The following GLI2 variants were observed in gnomAD, a reference collection of about 807,000 sequenced individuals.
GLI2 encodes the protein transcription activator GLI2.
A neutral mutation model predicts 78.9 loss-of-function variants in GLI2; 22 were observed. That is an observed-to-expected ratio of 0.28 (90% confidence interval 0.20 to 0.40). GLI2 has a LOEUF of 0.40. Ranked by LOEUF, GLI2 falls within the 10% of genes least tolerant of loss-of-function variation. The pLI is 1.00. For synonymous variants in GLI2, 974 were observed against 963.7 expected (o/e 1.01, Z -0.20); for missense variants, 2,097 against 2,213.2 (o/e 0.95, Z 1.05).
At chr2:120,795,913 GTGGCTCATGCC>G (rs1160538845) in intron 1 of GLI2, among the ~76,000 whole-genome samples, 2 of 152,136 alleles carry the variant, frequency 1.3e-5, no homozygotes, top group East Asian at 3.9e-4. Context: ...GCCGGGCGTG[GTGGCTCATGCC>G]TGTAATCCCA....
At chr2:120,899,029 C>T (rs1678115777) in intron 2 of GLI2, among the ~76,000 whole-genome samples, 2 of 152,138 alleles carry the variant, frequency 1.3e-5, no homozygotes, top group Non-Finnish European at 2.9e-5. Context: ...CTACTCCCTC[C>T]GGGAGGGCCT....
intron 1 of GLI2, among the ~76,000 whole-genome samples, chr2:120,741,023 C>A (rs1682521268): frequency 6.6e-6 from 1 of 152,224 alleles, no homozygotes; most frequent in African/African-American, 2.4e-5. Context: ...TGTATGCAAC[C>A]ACGCCGCAGC....
chr2:120,808,157 A>G (rs1392080996), intron 2 of GLI2, among the ~76,000 whole-genome samples: 3 of 152,162 alleles, frequency 2.0e-5, no homozygotes, highest in Non-Finnish European at 4.4e-5. Context: ...TGGGTTTGGT[A>G]TGGAGCCGGG....
At chr2:120,881,711 A>AG (rs1677148401) in intron 2 of GLI2, among the ~76,000 whole-genome samples, 1 of 14,234 alleles carries the variant, frequency 7.0e-5, no homozygotes, top group Non-Finnish European at 1.4e-4. Flanking sequence ...GACAGTGGGG[A>AG]GAGGGCAGGT....
chr2:120,910,816 G>A (rs1297092443), intron 2 of GLI2, among the ~76,000 whole-genome samples: 8 of 152,360 alleles, frequency 5.3e-5, no homozygotes, highest in East Asian at 1.9e-4. Flanking sequence ...ACTTCGCTGG[G>A]TACCTGGGCA....
intron 2 of GLI2, among the ~76,000 whole-genome samples, chr2:120,892,028 G>T (rs747570791): frequency 2.1e-5 from 3 of 142,996 alleles, no homozygotes; most frequent in Non-Finnish European, 3.1e-5. Context: ...TCTGCGGATT[G>T]TGGTCACCAC....
intron 2 of GLI2, among the ~76,000 whole-genome samples, chr2:120,852,559 C>T (rs1687458447): frequency 6.6e-6 from 1 of 152,168 alleles, no homozygotes; most frequent in South Asian, 2.1e-4. Flanking sequence ...TGCCAGCATT[C>T]CAGAGGCAGG....
chr2:120,791,239 G>A (rs1036256533), intron 1 of GLI2, among the ~76,000 whole-genome samples: 29 of 152,204 alleles, frequency 1.9e-4, no homozygotes, highest in Admixed American at 5.9e-4. Context: ...CTTCAGGGTG[G>A]AGGAGTGAGT....
At chr2:120,794,001 G>A (rs75644781) in intron 1 of GLI2, among the ~76,000 whole-genome samples, 2,235 of 152,300 alleles carry the variant, frequency 0.015, 44 homozygotes, top group East Asian at 0.071. Flanking sequence ...TGAGGAAGCC[G>A]CAGCTGCTGT....
intron 5 of GLI2, among the ~76,000 whole-genome samples, chr2:120,964,630 C>A (rs1283930715): frequency 6.6e-6 from 1 of 152,210 alleles, no homozygotes; most frequent in African/African-American, 2.4e-5. Context: ...GCGCAAGTAG[C>A]AGGCACGTGC....
intron 2 of GLI2, among the ~76,000 whole-genome samples, chr2:120,855,960 C>T (rs1353917551): frequency 5.3e-5 from 8 of 152,198 alleles, no homozygotes; most frequent in African/African-American, 1.9e-4. Flanking sequence ...CCAGCAGGCA[C>T]CATTTGTGCA....
intron 2 of GLI2, among the ~76,000 whole-genome samples, chr2:120,852,837 G>A (rs149512395): frequency 1.9e-3 from 296 of 152,304 alleles, no homozygotes; most frequent in Middle Eastern, 6.8e-3. Flanking sequence ...GCCAGCACTC[G>A]CTGTGCCCAG....
At chr2:120,761,196 C>A (rs541518137) in intron 1 of GLI2, among the ~76,000 whole-genome samples, 221 of 152,328 alleles carry the variant, frequency 1.5e-3, no homozygotes, top group African/African-American at 4.3e-3. Flanking sequence ...TGGCTGCATT[C>A]AGGCTAGAAT....
intron 2 of GLI2, among the ~76,000 whole-genome samples, chr2:120,876,336 C>T (rs778706943): frequency 2.6e-5 from 4 of 151,982 alleles, no homozygotes; most frequent in African/African-American, 4.8e-5. Context: ...AGCGAGACTC[C>T]GTCTCAAAAA....
chr2:120,774,232 A>G (rs1683613864), intron 1 of GLI2, among the ~76,000 whole-genome samples: 1 of 152,136 alleles, frequency 6.6e-6, no homozygotes, highest in East Asian at 1.9e-4. Flanking sequence ...GAAATCTGGC[A>G]GCTTTGGGTG....
intron 2 of GLI2, among the ~76,000 whole-genome samples, chr2:120,885,271 C>A (rs1359953109): frequency 6.6e-6 from 1 of 152,218 alleles, no homozygotes; most frequent in African/African-American, 2.4e-5. Context: ...TAAATAGACA[C>A]TGTCATTGTC....
chr2:120,786,268 G>C (rs1291764912), intron 1 of GLI2, among the ~76,000 whole-genome samples: 1 of 152,200 alleles, frequency 6.6e-6, no homozygotes, highest in Non-Finnish European at 1.5e-5. Context: ...CAGGGTCCCA[G>C]GTCAGCCCAG....
In GLI2 at chr2:120,986,794, A is replaced by G. The variant is rs567104399; in HGVS notation, c.2242+180A>G. ...GAAATGCCTTACCCAAATCAATGGC[A>G]GGGGTGAGATTAGCCAAAGGCCATG... On this transcript the variant is annotated intron_variant, in intron 13 of 13. Transcript: ENST00000361492. 3.3e-5 allele frequency among the ~76,000 whole-genome samples: 5 copies of G among 152,318 alleles called. No homozygotes were observed. In the East Asian group the frequency reaches 9.7e-4, roughly 29 times the overall value.
chr2:120,778,260 T>C (rs1273874579), intron 1 of GLI2, among the ~76,000 whole-genome samples: 4 of 152,094 alleles, frequency 2.6e-5, no homozygotes, highest in Non-Finnish European at 2.9e-5. Flanking sequence ...AGATGCCCAA[T>C]TATTTGGCAG....
Sources: allele counts gnomAD v4.1 joint callset (sites outside exome capture counted in the v4.1 genomes callset), GRCh38; gene constraint gnomAD v4.1.1; transcripts MANE v1.5; gene names NCBI Gene and HGNC (gene_info 2026-07-23, HGNC 2026-07-21).